ZC4H2: variants seen among roughly 807,000 people sequenced by gnomAD.
ZC4H2 encodes the protein zinc finger C4H2 domain-containing protein.
For missense variants in ZC4H2, 137 were observed against 173.9 expected, an observed-to-expected ratio of 0.79 and a Z score of 1.19; for synonymous variants, 84 against 66.3, an observed-to-expected ratio of 1.27 and a Z score of -1.30.
chrX:64,921,720 C>T (rs777064263), intron 2 of ZC4H2, 97 bp downstream of exon 2: 751 of 965,210 alleles, frequency 7.8e-4, no homozygotes, highest in South Asian at 5.4e-3. Flanking sequence ...GCCTGCTCCC[C>T]GAGCTAGGCC....
intron 4 of ZC4H2, chrX:64,918,132 T>C: frequency 6.4e-6 from 2 of 310,743 alleles, no homozygotes; most frequent in Non-Finnish European, 1.1e-5. Flanking sequence ...TAAGGCAAAA[T>C]GAGAACTACA....
intron 1 of ZC4H2, among the ~76,000 whole-genome samples, chrX:65,006,385 A>G (rs751319929): frequency 9.0e-6 from 1 of 111,688 alleles, no homozygotes; most frequent in African/African-American, 3.3e-5. Context: ...AGCAATAAAA[A>G]AGGATGAGTT....
intron 1 of ZC4H2, among the ~76,000 whole-genome samples, chrX:64,997,239 T>A (rs1465557210): frequency 8.9e-6 from 1 of 112,197 alleles, no homozygotes; most frequent in African/African-American, 3.2e-5. Flanking sequence ...GAATTTTATA[T>A]TTGACAAAAC....
intron 1 of ZC4H2, among the ~76,000 whole-genome samples, chrX:64,998,610 T>C (rs930326144): frequency 1.8e-5 from 2 of 111,801 alleles, no homozygotes; most frequent in Admixed American, 9.5e-5. Flanking sequence ...TTGTGTAGTG[T>C]TCTGCACATG....
intron 1 of ZC4H2, among the ~76,000 whole-genome samples, chrX:65,013,793 AAC>A (rs1332439241): frequency 2.7e-5 from 3 of 111,588 alleles, no homozygotes; most frequent in Non-Finnish European, 5.6e-5. Context: ...GACCCACAGA[AAC>A]AGTGAGATAA....
rs1163729602 is a variant in ZC4H2 at position 64,928,627 on chromosome X, TTTCTCCTTCTTCTTC to T, written c.54-6654_54-6640del. Among the ~76,000 whole-genome samples the T allele has an allele frequency of 4.7e-5, 4 of 85,881 alleles. No homozygotes were observed. In the Admixed American group the frequency reaches 5.0e-4, roughly 11 times the overall value. The allele number at this position is 85,881 out of a possible 115,157, so 74.6% of individuals were successfully genotyped here. On this transcript the variant is annotated intron_variant, in intron 1 of 4. Transcript: ENST00000374839. ...TTTCCTATTCATGTCCTTTGCCTGC[TTTCTCCTTCTTCTTC>T]TTCTTCTTCTTCTTCTTCTTCTTCT...
rs758152654 is a variant in ZC4H2 at position 65,015,144 on chromosome X, G to A, written c.-272+19485C>T. Among the ~76,000 whole-genome samples the A allele has an allele frequency of 4.6e-3, 516 of 111,553 alleles. 4 individuals carry two copies. Among genetic ancestry groups the A allele is most frequent in the African/African-American group, 0.016 (486 of 30,687 alleles). On this transcript the variant is annotated intron_variant, in intron 1 of 4. Coordinates refer to the ZC4H2 transcript ENST00000337990. ...AATTCCTTTTCATATCAGCCTAAGGGAAACAAAATGCCAAGAAATCAGAAC... is the reference window on the plus strand; with the variant it reads ...AATTCCTTTTCATATCAGCCTAAGGAAAACAAAATGCCAAGAAATCAGAAC...
At chrX:64,928,119 T>C (rs1160589860) in intron 1 of ZC4H2, among the ~76,000 whole-genome samples, 1 of 112,484 alleles carries the variant, frequency 8.9e-6, no homozygotes, top group Non-Finnish European at 1.9e-5. Context: ...AGAAGCTCTT[T>C]AGTTTAATTA....
At chrX:64,923,269 G>C (rs1328973225) in intron 1 of ZC4H2, among the ~76,000 whole-genome samples, 1 of 111,661 alleles carries the variant, frequency 9.0e-6, no homozygotes, top group Non-Finnish European at 1.9e-5. Context: ...CAGTTTCAAG[G>C]GCCTTTAATA....
At chrX:64,978,089 T>C (rs1932002633), upstream of ZC4H2, among the ~76,000 whole-genome samples, 1 of 111,433 alleles carries the variant, frequency 9.0e-6, no homozygotes, top group South Asian at 3.8e-4. Context: ...AGCTTCAGTT[T>C]CCTCATCTGA....
intron 1 of ZC4H2, among the ~76,000 whole-genome samples, chrX:64,940,699 G>C (rs1366858043): frequency 9.0e-6 from 1 of 111,042 alleles, no homozygotes; most frequent in Non-Finnish European, 1.9e-5. Context: ...TGAAAGATCA[G>C]ATGGTTGTAG....
chrX:64,993,263 T>C (rs1932345387), intron 1 of ZC4H2, among the ~76,000 whole-genome samples: 1 of 111,819 alleles, frequency 8.9e-6, no homozygotes, highest in Non-Finnish European at 1.9e-5. Flanking sequence ...ATGGCATCAG[T>C]TTAGCCACCT....
intron 1 of ZC4H2, among the ~76,000 whole-genome samples, chrX:65,008,203 CA>C (rs957503672): frequency 4.6e-5 from 5 of 109,332 alleles, no homozygotes; most frequent in African/African-American, 1.3e-4. Flanking sequence ...CCAACAGATA[CA>C]AAAAAAAAGT....
chrX:65,028,332 G>T (rs1932901327), intron 1 of ZC4H2, among the ~76,000 whole-genome samples: 1 of 112,030 alleles, frequency 8.9e-6, no homozygotes, highest in Non-Finnish European at 1.9e-5. Flanking sequence ...AGTGAACAAA[G>T]TAGGCAAGAA....
chrX:64,967,446 C>T (rs986277415), intron 1 of ZC4H2, among the ~76,000 whole-genome samples: 5 of 111,894 alleles, frequency 4.5e-5, no homozygotes, highest in Admixed American at 9.5e-5. Flanking sequence ...TCCAGAAGTG[C>T]GCTGGTTCTT....
chrX:64,917,628 G>A lies in ZC4H2; in HGVS notation c.*155C>T. On this transcript the variant is annotated 3_prime_UTR_variant, in exon 5 of 5. Transcript: ENST00000374839. ...AAACCAGAAATCCCAAGAGCAGAAA[G>A]AAATAGGAGCAAAGTGAGAGAGGGG... 1.2e-6 allele frequency: 1 copy of A among 830,908 alleles called. No individual in the cohort carries two copies. Among genetic ancestry groups the A allele is most frequent in the East Asian group, 3.6e-5 (1 of 27,873 alleles). 68.5% of individuals were successfully genotyped at this position (830,908 alleles called of 1,213,427 possible).
At chrX:64,922,961 T>C (rs763162953) in intron 1 of ZC4H2, among the ~76,000 whole-genome samples, 21 of 112,318 alleles carry the variant, frequency 1.9e-4, no homozygotes, top group South Asian at 3.7e-4. Flanking sequence ...GGTAATTTCT[T>C]TCTTAGAAAA....
At chrX:64,934,244 G>A (rs1413144991) in intron 1 of ZC4H2, among the ~76,000 whole-genome samples, 1 of 112,170 alleles carries the variant, frequency 8.9e-6, no homozygotes, top group African/African-American at 3.2e-5. Context: ...TTAAACATGT[G>A]GAATATTCTC....
chrX:64,993,715 G>A (rs1932354737), intron 1 of ZC4H2, among the ~76,000 whole-genome samples: 1 of 111,908 alleles, frequency 8.9e-6, no homozygotes, highest in Admixed American at 9.4e-5. Flanking sequence ...TTATTGCTAA[G>A]GGTCTTCCTC....
Sources: allele counts gnomAD v4.1 joint callset (sites outside exome capture counted in the v4.1 genomes callset), GRCh38; gene constraint gnomAD v4.1.1; transcripts MANE v1.5; gene names NCBI Gene and HGNC (gene_info 2026-07-23, HGNC 2026-07-21).